The following CLIP1 variants were observed in gnomAD, a reference collection of about 807,000 sequenced individuals.
CLIP1 encodes the protein CAP-Gly domain-containing linker protein 1.
CLIP1 carries 66 observed loss-of-function variants against 161.6 expected under a neutral mutation model. That is an observed-to-expected ratio of 0.41 (90% CI 0.33 to 0.50). The LOEUF is 0.50. Among genes scored for constraint, CLIP1 ranks in the 20% least tolerant of loss-of-function variants. The pLI, the probability that CLIP1 is intolerant of heterozygous loss-of-function variation, is 0.27. For synonymous variants in CLIP1, 598 were observed against 626.2 expected (o/e 0.96, Z 0.67); for missense variants, 1,376 against 1,702.0 (o/e 0.81, Z 3.37).
intron 1 of CLIP1, among the ~76,000 whole-genome samples, chr12:122,409,124 TTTTC>T (rs937090796): frequency 2.1e-5 from 3 of 145,608 alleles, no homozygotes; most frequent in Middle Eastern, 4.1e-3. Context: ...AATATTTTTC[TTTTC>T]TTTTTCTTTT....
At chr12:122,391,076 T>C (rs543550786) in intron 1 of CLIP1, among the ~76,000 whole-genome samples, 1 of 152,080 alleles carries the variant, frequency 6.6e-6, no homozygotes, top group African/African-American at 2.4e-5. Flanking sequence ...TCACTTGAGG[T>C]TGGCAGTTTG....
chr12:122,281,333 A>G (rs1192999546), intron 21 of CLIP1, among the ~76,000 whole-genome samples: 1 of 152,176 alleles, frequency 6.6e-6, no homozygotes, highest in African/African-American at 2.4e-5. Flanking sequence ...AAAGGAATGT[A>G]CAGGTGCTTT....
chr12:122,318,477 G>T (rs1389330101), intron 18 of CLIP1, among the ~76,000 whole-genome samples: 2 of 152,124 alleles, frequency 1.3e-5, no homozygotes, highest in South Asian at 2.1e-4. Flanking sequence ...AGGTTGCAGT[G>T]AGCCGAGATC....
chr12:122,333,908 C>G, intron 14 of CLIP1, 119 bp downstream of exon 14: 1 of 632,256 alleles, frequency 1.6e-6, no homozygotes, highest in East Asian at 2.8e-5. Context: ...GTTATATCAC[C>G]ATGATGAGTG....
rs540430734 is a variant in CLIP1 at position 122,397,675 on chromosome 12, C to T, written c.-106-17117G>A. Among the ~76,000 whole-genome samples the T allele has an allele frequency of 2.2e-4, 33 of 150,934 alleles. 1 individual carries two copies. The South Asian group carries it at 4.5e-3, about 20-fold the overall frequency. ...TTTCCAAAACTGAAAATCAACTTAT[C>T]GGCCACGCATGGTGGCTCACACCTA... is the stretch of plus-strand genomic sequence containing the variant. On this transcript the variant is annotated intron_variant, in intron 1 of 25. Transcript: ENST00000620786.
intron 1 of CLIP1, among the ~76,000 whole-genome samples, chr12:122,390,279 C>CATATATATATATATAT (rs1179187571): frequency 4.3e-4 from 34 of 78,998 alleles, no homozygotes; most frequent in Non-Finnish European, 7.6e-4. Context: ...TATATATATA[C>CATATATATATATATAT]ATATATATAT....
intron 20 of CLIP1, among the ~76,000 whole-genome samples, chr12:122,302,112 A>G (rs1566093349): frequency 6.6e-6 from 1 of 151,632 alleles, no homozygotes; most frequent in Non-Finnish European, 1.5e-5. Context: ...TATTATTATT[A>G]TTATTTTGAG....
At chr12:122,402,363 C>T (rs1956174932) in intron 1 of CLIP1, among the ~76,000 whole-genome samples, 1 of 152,034 alleles carries the variant, frequency 6.6e-6, no homozygotes. Context: ...TGGCACACAC[C>T]TGCATCCCAG....
At chr12:122,370,586 T>G (rs1954395473) in intron 3 of CLIP1, among the ~76,000 whole-genome samples, 1 of 152,056 alleles carries the variant, frequency 6.6e-6, no homozygotes, top group Admixed American at 6.6e-5. Context: ...TAAATCCCCT[T>G]AAAAAGAAAT....
intron 20 of CLIP1, among the ~76,000 whole-genome samples, chr12:122,299,718 C>A (rs1350425559): frequency 1.9e-4 from 28 of 147,980 alleles, no homozygotes; most frequent in Non-Finnish European, 3.6e-4. Context: ...AGATCGAGAC[C>A]ATCCTGGCTA....
intron 1 of CLIP1, among the ~76,000 whole-genome samples, chr12:122,393,320 C>T (rs1021583967): frequency 2.0e-5 from 3 of 151,946 alleles, no homozygotes; most frequent in Non-Finnish European, 2.9e-5. Flanking sequence ...GCCACCATGC[C>T]CAGCTAATTT....
At chr12:122,381,667 G>A (rs186525419) in intron 1 of CLIP1, among the ~76,000 whole-genome samples, 4 of 152,300 alleles carry the variant, frequency 2.6e-5, no homozygotes, top group Admixed American at 1.3e-4. Flanking sequence ...GAGCTTGGAT[G>A]ATGAAGCACA....
chr12:122,400,213 C>G (rs1388739740), intron 1 of CLIP1: 2 of 152,112 alleles, frequency 1.3e-5, no homozygotes, highest in African/African-American at 4.8e-5. Context: ...CCACTTCATT[C>G]ACATTCATAT....
At chr12:122,404,069 C>T (rs116041344) in intron 1 of CLIP1, among the ~76,000 whole-genome samples, 2,061 of 152,272 alleles carry the variant, frequency 0.014, 39 homozygotes, top group African/African-American at 0.044. Context: ...GCGGTCTACG[C>T]GAGCTGAGGA....
At chr12:122,361,272 C>T (rs765859954) in intron 4 of CLIP1, 91 bp from the exon 5 acceptor site, 65 of 1,090,948 alleles carry the variant, frequency 6.0e-5, no homozygotes, top group Non-Finnish European at 8.2e-5. Flanking sequence ...TCCTAACTTA[C>T]GGTTGGATTC....
intron 11 of CLIP1, among the ~76,000 whole-genome samples, chr12:122,339,970 C>T (rs1952419306): frequency 6.6e-6 from 1 of 152,032 alleles, no homozygotes; most frequent in South Asian, 2.1e-4. Context: ...TACCATATTA[C>T]AATCTTATGG....
chr12:122,278,045 CAA>C (rs1034303986), intron 24 of CLIP1, 107 bp downstream of exon 24: 24 of 970,984 alleles, frequency 2.5e-5, no homozygotes, highest in Non-Finnish European at 3.5e-5. Flanking sequence ...ATTACCAATT[CAA>C]AAGACTAAAT....
chr12:122,283,682 C>T (rs943814935), intron 21 of CLIP1, among the ~76,000 whole-genome samples: 1 of 152,088 alleles, frequency 6.6e-6, no homozygotes, highest in Non-Finnish European at 1.5e-5. Context: ...TGGTCTTGAA[C>T]TCCTGACCTC....
intron 5 of CLIP1, chr12:122,356,262 A>C (rs140619185): frequency 2.0e-5 from 3 of 152,214 alleles, no homozygotes; most frequent in Non-Finnish European, 4.4e-5. Flanking sequence ...GAGATGCCCC[A>C]GGGTGCTGAG....
Sources: allele counts gnomAD v4.1 joint callset (sites outside exome capture counted in the v4.1 genomes callset), GRCh38; gene constraint gnomAD v4.1.1; transcripts MANE v1.5; gene names NCBI Gene and HGNC (gene_info 2026-07-23, HGNC 2026-07-21).